Variants in CCT3 observed in about 807,000 individuals in gnomAD.
CCT3 encodes the protein chaperonin containing TCP1 subunit 3.
A neutral mutation model predicts 65.3 loss-of-function variants in CCT3; 10 were observed. The observed-to-expected ratio is 0.15, with a 90% confidence interval of 0.09 to 0.26. The LOEUF (loss-of-function observed/expected upper bound fraction) is 0.26. CCT3 is among the 10% of genes least tolerant of loss of function. The pLI is 1.00. For synonymous variants in CCT3, 225 were observed against 242.3 expected, an observed-to-expected ratio of 0.93 and a Z score of 0.66; for missense variants, 626 against 708.7, an observed-to-expected ratio of 0.88 and a Z score of 1.33.
intron 10 of CCT3, among the ~76,000 whole-genome samples, chr1:156,313,110 G>A (rs1448867928): frequency 3.3e-5 from 5 of 152,054 alleles, no homozygotes; most frequent in African/African-American, 1.2e-4. Context: ...TTGGAAGGCC[G>A]AGGTGGGTGG....
At chr1:156,337,943 C>G (rs1446112936) in intron 1 of CCT3, among the ~76,000 whole-genome samples, 1 of 152,122 alleles carries the variant, frequency 6.6e-6, no homozygotes, top group Non-Finnish European at 1.5e-5. Context: ...AGGAAAGAGG[C>G]TCGGCGAGAA....
At chr1:156,327,657 G>T (rs957970960) in intron 5 of CCT3, among the ~76,000 whole-genome samples, 1 of 151,922 alleles carries the variant, frequency 6.6e-6, no homozygotes, top group Non-Finnish European at 1.5e-5. Flanking sequence ...CCTCCCAGCC[G>T]CCTGCCTTGG....
Position 156,321,020 on chromosome 1 carries a change from G to A in CCT3, c.428C>T (p.Pro143Leu). The change falls in exon 7 of 14, where the codon CCA (proline) becomes CTA (leucine). Residue 143 changes from proline (P) to leucine (L), a missense_variant. Physicochemically the swap from Pro to Leu is moderately conservative, Grantham distance 98 (BLOSUM62 -3). Transcript: ENST00000295688. ...CATATCACTGTCACTGATGTCGACTGGGATACTAGAGAAAAGAAAACCAGA... is the reference window on the plus strand; with the variant it reads ...CATATCACTGTCACTGATGTCGACTAGGATACTAGAGAAAAGAAAACCAGA... Reference protein sequence around the residue: ...MISTLKKISIPVDISDSDMML... With the variant: ...MISTLKKISILVDISDSDMML... The A allele has an allele frequency of 3.7e-6, 6 of 1,611,676 alleles. No individual in the cohort carries two copies. Among genetic ancestry groups the A allele is most frequent in the Non-Finnish European group, 5.1e-6 (6 of 1,178,216 alleles).
intron 6 of CCT3, among the ~76,000 whole-genome samples, chr1:156,323,641 A>C (rs111850227): frequency 0.23 from 35,130 of 150,720 alleles, 4,730 homozygotes; most frequent in Non-Finnish European, 0.29. Context: ...ATTTTTTTGT[A>C]TTTTTAGTAG....
rs767253456 is a variant in CCT3, at chr1:156,311,136, A to C, written c.1215T>G (p.Pro405=). ...AGGCCCCACCCCCTGGCACCAGCTG[A>C]GGGTCCAGGAGAACATTGCGACACA... ...MQVCRNVLLD[P]QLVPGGGASE... is the part of the protein sequence containing the mutation. Residue 405 remains proline (P), a synonymous_variant, in exon 12 of 14, where the codon CCT becomes CCG. Coordinates refer to ENST00000295688, the MANE Select transcript of CCT3 (RefSeq NM_005998.5). 15 of 1,613,778 alleles carry C rather than the reference A, an allele frequency of 9.3e-6. No individual in the cohort carries two copies. The highest frequency in any genetic ancestry group is 7.6e-6 in the Non-Finnish European group (9 of 1,179,852).
rs559660461 is a variant in CCT3 at position 156,327,163 on chromosome 1, A to G, written c.305-2074T>C. Among the ~76,000 whole-genome samples the G allele has an allele frequency of 7.2e-5, 11 of 152,374 alleles. 1 individual carries two copies. The South Asian group carries it at 1.7e-3, about 23-fold the overall frequency. ...TTGTTTCTAGAAAAAGTATAAAGAG[A>G]GTATTGTAAATATTCTTTTTGTCAA... On this transcript the variant is annotated intron_variant, in intron 5 of 13. Coordinates refer to ENST00000295688, the MANE Select transcript of CCT3 (RefSeq NM_005998.5).
intron 5 of CCT3, 60 bp from the exon 6 acceptor site, chr1:156,325,149 C>T: frequency 8.4e-7 from 1 of 1,183,506 alleles, no homozygotes. Flanking sequence ...AGGCAAGTAA[C>T]TTAATTATTC....
intron 6 of CCT3, among the ~76,000 whole-genome samples, 196 bp downstream of exon 6, chr1:156,324,776 C>G (rs998129313): frequency 6.7e-6 from 1 of 149,216 alleles, no homozygotes; most frequent in East Asian, 2.0e-4. Context: ...GACACGCATG[C>G]GCCACCATGC....
intron 10 of CCT3, among the ~76,000 whole-genome samples, chr1:156,315,901 A>C (rs1427318252): frequency 6.6e-6 from 1 of 152,186 alleles, no homozygotes; most frequent in African/African-American, 2.4e-5. Flanking sequence ...GAAAAAAATT[A>C]ACATGTCTAT....
At chr1:156,326,861 A>G (rs1664835390) in intron 5 of CCT3, among the ~76,000 whole-genome samples, 1 of 152,058 alleles carries the variant, frequency 6.6e-6, no homozygotes, top group African/African-American at 2.4e-5. Flanking sequence ...TAGCCTGGAC[A>G]ACATGGTGAA....
chr1:156,324,874 G>A (rs530464399), intron 6 of CCT3, 98 bp downstream of exon 6: 33 of 766,704 alleles, frequency 4.3e-5, no homozygotes, highest in Middle Eastern at 4.7e-4. Flanking sequence ...AGATCCACCC[G>A]CCTAGGCCTC....
At chr1:156,335,801 C>T (rs1297845019) in intron 2 of CCT3, 26 bp downstream of exon 2, 2 of 1,603,030 alleles carry the variant, frequency 1.2e-6, no homozygotes, top group Non-Finnish European at 1.7e-6. Context: ...AGGCAAACTA[C>T]CATAAACACT....
intron 10 of CCT3, among the ~76,000 whole-genome samples, chr1:156,313,907 G>A (rs977905364): frequency 6.6e-6 from 1 of 152,104 alleles, no homozygotes; most frequent in East Asian, 1.9e-4. Flanking sequence ...GGCCAACATG[G>A]TGAAAACCCG....
chr1:156,315,154 C>A (rs1230415068), intron 10 of CCT3, among the ~76,000 whole-genome samples: 2 of 152,130 alleles, frequency 1.3e-5, no homozygotes, highest in African/African-American at 4.8e-5. Context: ...ATGATGATGA[C>A]CTTTTTGATG....
intron 7 of CCT3, among the ~76,000 whole-genome samples, chr1:156,319,798 C>A (rs2101644717): frequency 6.6e-6 from 1 of 152,242 alleles, no homozygotes; most frequent in East Asian, 1.9e-4. Context: ...CATCTACTGG[C>A]CACAAGCTAT....
intron 2 of CCT3, 154 bp from the exon 3 acceptor site, chr1:156,335,072 T>C (rs1665278280): frequency 4.8e-6 from 3 of 628,150 alleles, no homozygotes; most frequent in Admixed American, 3.1e-5. Flanking sequence ...GGTCTCACCA[T>C]GTTGCTCGGG....
At chr1:156,337,872 C>A in intron 1 of CCT3, 1 of 496,380 alleles carries the variant, frequency 2.0e-6, no homozygotes, top group Non-Finnish European at 3.6e-6. Flanking sequence ...GCGGGGGAAG[C>A]GTGGGGGCTG....
chr1:156,320,689 T>C (rs1664512766), intron 7 of CCT3, 150 bp downstream of exon 7: 1 of 619,438 alleles, frequency 1.6e-6, no homozygotes, highest in Non-Finnish European at 2.8e-6. Flanking sequence ...GCTGTGACTG[T>C]GCCACTATAC....
intron 5 of CCT3, among the ~76,000 whole-genome samples, chr1:156,330,721 A>G (rs1457298073): frequency 6.6e-6 from 1 of 151,928 alleles, no homozygotes; most frequent in African/African-American, 2.4e-5. Flanking sequence ...AGGCGTGGTG[A>G]GACCAGCCTG....
Sources: allele counts gnomAD v4.1 joint callset (sites outside exome capture counted in the v4.1 genomes callset), GRCh38; gene constraint gnomAD v4.1.1; transcripts MANE v1.5; gene names NCBI Gene and HGNC (gene_info 2026-07-23, HGNC 2026-07-21).